The following PPP1R42 variants were observed in gnomAD, a reference collection of about 807,000 sequenced individuals.
The protein encoded by PPP1R42 is leucine rich repeat containing 67.
In PPP1R42, 34 loss-of-function variants were observed where a neutral mutation model predicts 31.0. The ratio of observed to expected loss-of-function variants is 1.10; its 90% CI spans 0.83 to 1.46. The LOEUF (loss-of-function observed/expected upper bound fraction) is 1.46. Among genes scored for constraint, PPP1R42 ranks in the 40% most tolerant of loss-of-function variants. The pLI, the probability that PPP1R42 is intolerant of heterozygous loss-of-function variation, is 0.00. For synonymous variants in PPP1R42, 103 were observed against 109.8 expected (o/e 0.94, Z 0.39); for missense variants, 268 against 303.0 (o/e 0.88, Z 0.86).
chr8:66,989,723 A>G (rs1266909164), intron 5 of PPP1R42, among the ~76,000 whole-genome samples: 2 of 152,218 alleles, frequency 1.3e-5, no homozygotes, highest in Non-Finnish European at 2.9e-5. Context: ...AGGGATTCCA[A>G]TAAGTAATTT....
intron 5 of PPP1R42, among the ~76,000 whole-genome samples, chr8:66,993,976 A>G (rs537378867): frequency 6.6e-6 from 1 of 152,270 alleles, no homozygotes; most frequent in South Asian, 2.1e-4. Context: ...ACATGGAAAG[A>G]GAGAGAAAAG....
chr8:67,026,213 C>T (rs1252840782), intron 1 of PPP1R42, among the ~76,000 whole-genome samples: 2 of 151,730 alleles, frequency 1.3e-5, no homozygotes, highest in African/African-American at 2.4e-5. Context: ...TGGCATATGC[C>T]TGTAATCCCA....
intron 4 of PPP1R42, among the ~76,000 whole-genome samples, chr8:67,012,598 A>C (rs186517199): frequency 6.6e-4 from 100 of 152,344 alleles, no homozygotes; most frequent in African/African-American, 2.3e-3. Flanking sequence ...ATAATTGCAC[A>C]TTCCTCTCTC....
chr8:66,968,628 C>A (rs1814451870), intron 7 of PPP1R42: 1 of 231,900 alleles, frequency 4.3e-6, no homozygotes, highest in Non-Finnish European at 7.1e-6. Context: ...TACTGACCTT[C>A]TAGCTTTATT....
rs575262854 is a variant in PPP1R42, at chr8:67,008,125, T to C, written c.552+2590A>G. Among the ~76,000 whole-genome samples the C allele has an allele frequency of 3.3e-4, 50 of 152,128 alleles. No individual in the cohort carries two copies. The South Asian group carries it at 8.5e-3, about 26-fold the overall frequency. On this transcript the variant is annotated intron_variant, in intron 5 of 7. Transcript: ENST00000685739. ...TTCGTCTCGATCTCCTGATTGAGTGTTGGTATTACAGGTGTGAGCCACCGC... is the reference window on the plus strand; with the variant it reads ...TTCGTCTCGATCTCCTGATTGAGTGCTGGTATTACAGGTGTGAGCCACCGC...
At chr8:66,985,262 G>C (rs1237025287) in intron 6 of PPP1R42, 5 of 1,034,004 alleles carry the variant, frequency 4.8e-6, no homozygotes, top group Non-Finnish European at 7.5e-6. Flanking sequence ...CGTTTCTGGC[G>C]CTGGGAAGCG....
chr8:67,010,664 C>A, intron 5 of PPP1R42, 51 bp downstream of exon 5: 1 of 1,254,850 alleles, frequency 8.0e-7, no homozygotes, highest in South Asian at 1.3e-5. Context: ...AAACATTTTT[C>A]AATCATAATT....
At chr8:66,998,402 T>C (rs1356972699) in intron 5 of PPP1R42, among the ~76,000 whole-genome samples, 1 of 152,254 alleles carries the variant, frequency 6.6e-6, no homozygotes, top group Non-Finnish European at 1.5e-5. Context: ...ACCTTGCCAT[T>C]AAGCATATGG....
intron 5 of PPP1R42, among the ~76,000 whole-genome samples, chr8:67,001,762 T>C (rs1254715517): frequency 6.6e-6 from 1 of 152,242 alleles, no homozygotes; most frequent in African/African-American, 2.4e-5. Flanking sequence ...ATTTTACTTT[T>C]ACATGTCATA....
At position 67,008,423 on chromosome 8, in the gene PPP1R42, T is replaced by G. The variant is rs529179145; in HGVS notation, c.552+2292A>C. On this transcript the variant is annotated intron_variant, in intron 5 of 7. Transcript: ENST00000685739. ...TATCAAGTTCAGTCTTTAAAGAGGA[T>G]TTGGGCCATGGCAGTGGCTCATGCC... Among the ~76,000 whole-genome samples the G allele has an allele frequency of 1.9e-4, 29 of 152,144 alleles. 1 individual carries two copies. The highest frequency in any genetic ancestry group is 6.7e-4 in the African/African-American group (28 of 41,524).
chr8:67,001,627 A>G (rs1417952822), intron 5 of PPP1R42, among the ~76,000 whole-genome samples: 1 of 152,140 alleles, frequency 6.6e-6, no homozygotes, highest in African/African-American at 2.4e-5. Context: ...CGTTTAAAAC[A>G]ATCATTTTTA....
intron 1 of PPP1R42, among the ~76,000 whole-genome samples, chr8:67,021,545 A>G (rs186180327): frequency 2.0e-3 from 301 of 152,322 alleles, no homozygotes; most frequent in Middle Eastern, 6.8e-3. Flanking sequence ...AAATAACATT[A>G]CCTTGAAAAT....
At chr8:67,016,385 C>A (rs115476688) in intron 2 of PPP1R42, among the ~76,000 whole-genome samples, 3,043 of 152,266 alleles carry the variant, frequency 0.02, 90 homozygotes, top group African/African-American at 0.068. Context: ...TGTAGTCTAG[C>A]ATTTACTGTA....
At position 66,964,229 on chromosome 8, in the gene PPP1R42, AT is replaced by A. The variant is rs1474243121; in HGVS notation, c.*91del. On this transcript the variant is annotated 3_prime_UTR_variant, in exon 8 of 8. Coordinates refer to ENST00000685739, the MANE Select transcript of PPP1R42 (RefSeq NM_001364910.1). ...CTGTCACTTGAGGCTGAATTTACTC[AT>A]TTTCCACAAACAAATTTTCTTTTTC... The A allele has an allele frequency of 1.0e-6, 1 of 952,924 alleles. No homozygotes were observed. The highest frequency in any genetic ancestry group is 1.5e-6 in the Non-Finnish European group (1 of 682,150). 59.0% of individuals were successfully genotyped at this position (952,924 alleles called of 1,614,324 possible). A position where few individuals can be genotyped will look rare whatever the true frequency, so the allele number is the denominator to read the frequency against.
At chr8:66,984,252 T>C in intron 6 of PPP1R42, 1 of 1,471,638 alleles carries the variant, frequency 6.8e-7, no homozygotes, top group Non-Finnish European at 9.5e-7. Flanking sequence ...ACTTCATCTC[T>C]CCAAAGCTCC....
At chr8:66,991,571 G>T (rs567368449) in intron 5 of PPP1R42, among the ~76,000 whole-genome samples, 2 of 152,254 alleles carry the variant, frequency 1.3e-5, no homozygotes, top group East Asian at 3.9e-4. Context: ...TGGGTCATCC[G>T]TCCACCAAGT....
At chr8:66,964,380 A>G in intron 7 of PPP1R42, 46 bp from the exon 8 acceptor site, 1 of 1,054,446 alleles carries the variant, frequency 9.5e-7, no homozygotes, top group South Asian at 1.5e-5. Flanking sequence ...TAAAAAAATG[A>G]AAGTATCCCT....
intron 5 of PPP1R42, among the ~76,000 whole-genome samples, chr8:67,003,606 C>T (rs1223861308): frequency 6.6e-6 from 1 of 151,972 alleles, no homozygotes; most frequent in Non-Finnish European, 1.5e-5. Flanking sequence ...CAATTCTGGT[C>T]CTGGTTACTA....
At chr8:66,994,435 T>C (rs1815279494) in intron 5 of PPP1R42, among the ~76,000 whole-genome samples, 1 of 152,198 alleles carries the variant, frequency 6.6e-6, no homozygotes, top group Non-Finnish European at 1.5e-5. Flanking sequence ...GCTACATGTG[T>C]TCCTTTAAAT....
Sources: allele counts gnomAD v4.1 joint callset (sites outside exome capture counted in the v4.1 genomes callset), GRCh38; gene constraint gnomAD v4.1.1; transcripts MANE v1.5; gene names NCBI Gene and HGNC (gene_info 2026-07-23, HGNC 2026-07-21).